LEMD3: variants seen among roughly 807,000 people sequenced by gnomAD.
LEMD3 encodes inner nuclear membrane protein Man1.
Under a neutral mutation model 95.2 loss-of-function variants are expected in LEMD3, and 33 were observed. The ratio of observed to expected loss-of-function variants is 0.35; its 90% CI spans 0.26 to 0.46. The LOEUF is 0.46. Ranked by LOEUF, LEMD3 falls within the 20% of genes least tolerant of loss-of-function variation. LEMD3 has a pLI of 1.00. For synonymous variants in LEMD3, 525 were observed against 474.6 expected, an observed-to-expected ratio of 1.11 and a Z score of -1.38; for missense variants, 1,210 against 1,192.8, an observed-to-expected ratio of 1.01 and a Z score of -0.21.
At chr12:65,196,587 C>G (rs1869437851) in intron 1 of LEMD3, among the ~76,000 whole-genome samples, 2 of 152,090 alleles carry the variant, frequency 1.3e-5, no homozygotes, top group African/African-American at 4.8e-5. Context: ...CCTTCTCAAA[C>G]TTACCTAACT....
intron 4 of LEMD3, among the ~76,000 whole-genome samples, chr12:65,222,865 A>T (rs1870334229): frequency 6.6e-6 from 1 of 151,818 alleles, no homozygotes; most frequent in African/African-American, 2.4e-5. Context: ...TAATACATTT[A>T]TAATTTTTCT....
rs569925368 is a variant in LEMD3, at chr12:65,246,523, T to C, written c.*198T>C. On this transcript the variant is annotated 3_prime_UTR_variant, in exon 13 of 13. Transcript: ENST00000308330. Reference sequence around the variant, plus strand: ...CTGAGTAGGTAGGATAATTATTTCATTCAGTTTTTGGAGCTCAGTTAAGCC... The same window carrying C: ...CTGAGTAGGTAGGATAATTATTTCACTCAGTTTTTGGAGCTCAGTTAAGCC... The C allele has an allele frequency of 2.1e-5, 12 of 583,298 alleles. No individual in the cohort carries two copies. In the South Asian group the frequency reaches 2.5e-4, roughly 12 times the overall value. The allele number at this position is 583,298 out of a possible 1,614,324, so 36.1% of individuals were successfully genotyped here. A position where few individuals can be genotyped will look rare whatever the true frequency, so the allele number is the denominator to read the frequency against.
intron 1 of LEMD3, 121 bp from the exon 2 acceptor site, chr12:65,210,805 T>G: frequency 1.2e-6 from 1 of 804,232 alleles, no homozygotes. Flanking sequence ...TTTGTTTACA[T>G]TTGGTTCACA....
At chr12:65,177,182 G>T (rs1483947113) in intron 1 of LEMD3, among the ~76,000 whole-genome samples, 1 of 152,176 alleles carries the variant, frequency 6.6e-6, no homozygotes, top group Non-Finnish European at 1.5e-5. Context: ...ATTCATGGAG[G>T]TTATAAAGCA....
At chr12:65,229,472 T>C (rs979933740) in intron 4 of LEMD3, among the ~76,000 whole-genome samples, 4 of 152,208 alleles carry the variant, frequency 2.6e-5, no homozygotes, top group African/African-American at 9.6e-5. Flanking sequence ...TGTTCTGCAA[T>C]GCCTGTACTG....
At chr12:65,237,970 T>TA (rs1345148934) in intron 4 of LEMD3, among the ~76,000 whole-genome samples, 3 of 152,078 alleles carry the variant, frequency 2.0e-5, no homozygotes, top group South Asian at 2.1e-4. Context: ...AAACTAATGA[T>TA]AAAAAAAGAA....
At chr12:65,240,325 C>T (rs1206551456) in intron 8 of LEMD3, 87 bp downstream of exon 8, 5 of 997,112 alleles carry the variant, frequency 5.0e-6, no homozygotes, top group Admixed American at 1.7e-5. Context: ...AGCTGTGACC[C>T]TTCTCAACTA....
rs575425950 is a variant in LEMD3 at position 65,196,131 on chromosome 12, CT to C, written c.1523-14792del. 1.7e-4 allele frequency among the ~76,000 whole-genome samples: 25 copies of C among 145,718 alleles called. No individual in the cohort carries two copies. In the East Asian group the frequency reaches 4.5e-3, roughly 26 times the overall value. ...ATAAAGCATTTGTCTAGCTTTTCAT[CT>C]TTGGGTTGGGAAGATAACTGAGCTA... On this transcript the variant is annotated intron_variant, in intron 1 of 12. Transcript: ENST00000308330.
At chr12:65,218,434 GATTATA>G (rs1184160286) in intron 3 of LEMD3, 112 bp from the exon 4 acceptor site, 2 of 558,750 alleles carry the variant, frequency 3.6e-6, no homozygotes, top group Non-Finnish European at 6.3e-6. Flanking sequence ...TTTCTTTACT[GATTATA>G]ATAATATAAC....
At chr12:65,225,218 A>T (rs1592455075) in intron 4 of LEMD3, among the ~76,000 whole-genome samples, 2 of 151,284 alleles carry the variant, frequency 1.3e-5, no homozygotes, top group African/African-American at 2.4e-5. Context: ...CTTCTTTAGG[A>T]TATGTTTTGG....
intron 1 of LEMD3, among the ~76,000 whole-genome samples, chr12:65,183,468 A>G (rs1027184943): frequency 7.9e-5 from 12 of 152,182 alleles, no homozygotes; most frequent in African/African-American, 1.9e-4. Flanking sequence ...AAGCATTACA[A>G]TGCCTGTAAT....
At chr12:65,195,613 A>C (rs1869405986) in intron 1 of LEMD3, among the ~76,000 whole-genome samples, 1 of 152,146 alleles carries the variant, frequency 6.6e-6, no homozygotes, top group African/African-American at 2.4e-5. Context: ...TCTCAAAGGC[A>C]CAGAGCTAAG....
chr12:65,242,208 C>T (rs1439527411), intron 9 of LEMD3, among the ~76,000 whole-genome samples: 1 of 151,988 alleles, frequency 6.6e-6, no homozygotes, highest in East Asian at 1.9e-4. Context: ...TTGGGGATGC[C>T]ACCTTCTTCT....
At chr12:65,180,000 A>C (rs1205569679) in intron 1 of LEMD3, among the ~76,000 whole-genome samples, 1 of 151,996 alleles carries the variant, frequency 6.6e-6, no homozygotes, top group Non-Finnish European at 1.5e-5. Flanking sequence ...GCTGGAGTGC[A>C]GTGGTGCAAT....
chr12:65,187,919 A>G (rs1303282821), intron 1 of LEMD3, among the ~76,000 whole-genome samples: 1 of 152,160 alleles, frequency 6.6e-6, no homozygotes, highest in Non-Finnish European at 1.5e-5. Flanking sequence ...ACCTTAACAA[A>G]TAGAGATGGT....
rs187073117 is a variant in LEMD3, at chr12:65,186,317, A to G, written c.1522+15199A>G. On this transcript the variant is annotated intron_variant, in intron 1 of 12. Coordinates refer to ENST00000308330, the MANE Select transcript of LEMD3 (RefSeq NM_014319.5). ...CGGAGCAAGCATTACTTAAAACAAAATTTGTATTTTACTTAAATTTTAACA... is the reference window on the plus strand; with the variant it reads ...CGGAGCAAGCATTACTTAAAACAAAGTTTGTATTTTACTTAAATTTTAACA... Among the ~76,000 whole-genome samples, 37 of 152,194 alleles carry G rather than the reference A, an allele frequency of 2.4e-4. No individual in the cohort carries two copies. The East Asian group carries it at 6.8e-3, about 28-fold the overall frequency.
intron 2 of LEMD3, among the ~76,000 whole-genome samples, chr12:65,214,281 C>T (rs750069892): frequency 2.0e-5 from 3 of 152,164 alleles, no homozygotes; most frequent in Non-Finnish European, 4.4e-5. Context: ...AGGCATGAGC[C>T]ACCACACCCA....
In LEMD3 at chr12:65,246,459, C is replaced by T; in HGVS notation, c.*134C>T. The T allele has an allele frequency of 2.7e-6, 2 of 746,960 alleles. No homozygotes were observed. The highest frequency in any genetic ancestry group is 3.5e-5 in the African/African-American group (2 of 57,422). 46.3% of individuals were successfully genotyped at this position (746,960 alleles called of 1,614,324 possible). A position where few individuals can be genotyped will look rare whatever the true frequency, so the allele number is the denominator to read the frequency against. On this transcript the variant is annotated 3_prime_UTR_variant, in exon 13 of 13. Transcript: ENST00000308330. ...ATACATCTCTGAACGTTCCAGAAGTCTTAAGGTTCCAAAGGGATTTAGCAG... is the reference window on the plus strand; with the variant it reads ...ATACATCTCTGAACGTTCCAGAAGTTTTAAGGTTCCAAAGGGATTTAGCAG...
chr12:65,241,353 A>G (rs561844488), intron 9 of LEMD3, among the ~76,000 whole-genome samples: 3 of 151,902 alleles, frequency 2.0e-5, no homozygotes, highest in Admixed American at 6.6e-5. Context: ...AGTATTATAT[A>G]TATTAACTGC....
Sources: gnomAD v4.1 joint callset for allele counts (sites outside exome capture counted in the v4.1 genomes callset) on GRCh38, gnomAD v4.1.1 for gene constraint, MANE v1.5 for transcripts, NCBI Gene and HGNC (gene_info 2026-07-23, HGNC 2026-07-21) for gene names.